Variants in GRIN3A observed in about 807,000 individuals in gnomAD.
The protein encoded by GRIN3A is glutamate ionotropic receptor NMDA type subunit 3A, also known as glutamate receptor ionotropic, NMDA 3A.
A neutral mutation model predicts 92.4 loss-of-function variants in GRIN3A; 47 were observed. The observed-to-expected ratio is 0.51, with a 90% CI of 0.40 to 0.65. The LOEUF (loss-of-function observed/expected upper bound fraction) is 0.65. Ranked by LOEUF, GRIN3A falls within the 30% of genes least tolerant of loss-of-function variation. The pLI is 0.00. For synonymous variants in GRIN3A, 527 were observed against 540.6 expected (o/e 0.97, Z 0.35); for missense variants, 1,324 against 1,393.1 (o/e 0.95, Z 0.79).
At chr9:101,622,756 T>G (rs922961103) in intron 5 of GRIN3A, among the ~76,000 whole-genome samples, 15 of 152,202 alleles carry the variant, frequency 9.9e-5, no homozygotes, top group African/African-American at 3.6e-4. Flanking sequence ...GAAAATGTTA[T>G]GTAATGTCCC....
At chr9:101,695,453 T>C (rs1033004313) in intron 1 of GRIN3A, among the ~76,000 whole-genome samples, 1 of 152,114 alleles carries the variant, frequency 6.6e-6, no homozygotes, top group Admixed American at 6.6e-5. Context: ...CTAAAAGGAA[T>C]GGTGATGTAA....
intron 8 of GRIN3A, 145 bp downstream of exon 8, chr9:101,577,623 A>G: frequency 2.8e-6 from 2 of 701,800 alleles, no homozygotes; most frequent in South Asian, 3.1e-5. Flanking sequence ...GTGTCCATAT[A>G]CATTTTTTAT....
chr9:101,737,134 A>G, intron 1 of GRIN3A, 147 bp downstream of exon 1: 1 of 703,336 alleles, frequency 1.4e-6, no homozygotes, highest in Non-Finnish European at 2.5e-6. Context: ...CCTACCACCT[A>G]CGAACATGGC....
At chr9:101,652,621 A>G (rs1292479215) in intron 3 of GRIN3A, among the ~76,000 whole-genome samples, 3 of 151,954 alleles carry the variant, frequency 2.0e-5, no homozygotes, top group African/African-American at 4.8e-5. Context: ...TAAGCCCTGT[A>G]TAATGCCCTG....
intron 3 of GRIN3A, among the ~76,000 whole-genome samples, chr9:101,657,239 C>A (rs187641213): frequency 1.9e-3 from 294 of 151,862 alleles, no homozygotes; most frequent in Middle Eastern, 6.8e-3. Context: ...TTCATGAGTG[C>A]CAATTCAGTA....
intron 3 of GRIN3A, among the ~76,000 whole-genome samples, chr9:101,664,134 T>C (rs1174960653): frequency 2.0e-5 from 3 of 151,862 alleles, no homozygotes; most frequent in African/African-American, 7.2e-5. Flanking sequence ...ATCCACTCCT[T>C]AGACTGCAGA....
chr9:101,644,653 T>G (rs16920569), intron 3 of GRIN3A, among the ~76,000 whole-genome samples: 1 of 151,644 alleles, frequency 6.6e-6, no homozygotes. Context: ...GACAAGTAAT[T>G]CGTGACTCCA....
chr9:101,589,843 C>T (rs569636374), intron 6 of GRIN3A, among the ~76,000 whole-genome samples: 1 of 152,122 alleles, frequency 6.6e-6, no homozygotes, highest in Admixed American at 6.5e-5. Context: ...ATAGTGAACC[C>T]TTCAGTCCAT....
chr9:101,594,213 A>G (rs1049686945), intron 6 of GRIN3A: 2 of 624,670 alleles, frequency 3.2e-6, no homozygotes, highest in Non-Finnish European at 2.6e-6. Flanking sequence ...TCTTCCCCCT[A>G]TAGGGTACCC....
At chr9:101,596,579 C>A (rs1320224874) in intron 6 of GRIN3A, among the ~76,000 whole-genome samples, 2 of 152,154 alleles carry the variant, frequency 1.3e-5, no homozygotes, top group African/African-American at 2.4e-5. Flanking sequence ...CCAGGCCCTG[C>A]AGGTGCAGTT....
intron 6 of GRIN3A, among the ~76,000 whole-genome samples, chr9:101,583,464 G>T (rs1048422425): frequency 6.6e-6 from 1 of 152,128 alleles, no homozygotes; most frequent in Non-Finnish European, 1.5e-5. Flanking sequence ...GTGCATATGT[G>T]CATCTTCCCC....
chr9:101,636,856 AC>A (rs1351485741), intron 3 of GRIN3A, among the ~76,000 whole-genome samples: 8 of 152,188 alleles, frequency 5.3e-5, no homozygotes, highest in Non-Finnish European at 1.0e-4. Context: ...AAATGCATCC[AC>A]GCATATTATT....
intron 4 of GRIN3A, among the ~76,000 whole-genome samples, chr9:101,627,982 C>T (rs1347417640): frequency 6.6e-6 from 1 of 152,192 alleles, no homozygotes; most frequent in Non-Finnish European, 1.5e-5. Context: ...ACATTTACTT[C>T]CTCCACCATC....
chr9:101,628,129 A>G, intron 4 of GRIN3A, 127 bp downstream of exon 4: 1 of 828,432 alleles, frequency 1.2e-6, no homozygotes, highest in Non-Finnish European at 2.0e-6. Context: ...CACAGTGTAA[A>G]GTATTACTTA....
Position 101,686,653 on chromosome 9 carries a change from G to C in GRIN3A, c.1247C>G (p.Thr416Arg), listed in dbSNP as rs764843723. ...AGTTTCCACCTCCATGCAGTTCATC[G>C]TGCTGGGAATGAGAGCAAGTTCTGG... ...IQPELALIPS[T>R]MNCMEVETTN... The change falls in exon 2 of 9, where the codon ACG becomes AGG. Residue 416 changes from threonine to arginine, a missense_variant. Coordinates refer to ENST00000361820, the MANE Select transcript of GRIN3A (RefSeq NM_133445.3). The C allele has an allele frequency of 6.2e-7, 1 of 1,613,930 alleles. No individual in the cohort carries two copies.
At chr9:101,691,084 A>G (rs1279536528) in intron 1 of GRIN3A, among the ~76,000 whole-genome samples, 1 of 152,144 alleles carries the variant, frequency 6.6e-6, no homozygotes, top group Non-Finnish European at 1.5e-5. Flanking sequence ...AAATAAAGGA[A>G]CATGAAAAAC....
chr9:101,651,809 C>T (rs1196256398), intron 3 of GRIN3A, among the ~76,000 whole-genome samples: 1 of 151,880 alleles, frequency 6.6e-6, no homozygotes, highest in Non-Finnish European at 1.5e-5. Flanking sequence ...TGGCAATAGG[C>T]TTTATTTTAA....
chr9:101,710,825 A>T (rs1319906644), intron 1 of GRIN3A, among the ~76,000 whole-genome samples: 1 of 152,216 alleles, frequency 6.6e-6, no homozygotes, highest in East Asian at 1.9e-4. Flanking sequence ...GATTTCTTCT[A>T]AAGTTTGAAT....
intron 5 of GRIN3A, among the ~76,000 whole-genome samples, chr9:101,618,926 G>T (rs1395039819): frequency 6.6e-6 from 1 of 152,152 alleles, no homozygotes. Context: ...CTATTTTGTG[G>T]TTGATGAATG....
Sources: gnomAD v4.1 joint callset for allele counts (sites outside exome capture counted in the v4.1 genomes callset) on GRCh38, gnomAD v4.1.1 for gene constraint, MANE v1.5 for transcripts, NCBI Gene and HGNC (gene_info 2026-07-23, HGNC 2026-07-21) for gene names.